DMD: variants seen among roughly 807,000 people sequenced by gnomAD.
The protein encoded by DMD is dystrophin.
A neutral mutation model predicts 330.1 loss-of-function variants in DMD; 63 were observed. The observed-to-expected ratio is 0.19, with a 90% CI of 0.16 to 0.24. DMD has a LOEUF of 0.24. DMD is among the 10% of genes least tolerant of loss of function. The pLI is 1.00. For synonymous variants in DMD, 1,223 were observed against 959.8 expected, an observed-to-expected ratio of 1.27 and a Z score of -5.07; for missense variants, 3,344 against 2,684.1, an observed-to-expected ratio of 1.25 and a Z score of -5.43.
chrX:31,690,456 A>G (rs1007406584), intron 52 of DMD, among the ~76,000 whole-genome samples: 1 of 112,038 alleles, frequency 8.9e-6, no homozygotes, highest in African/African-American at 3.2e-5. Flanking sequence ...AATCATTAAA[A>G]AGTCAGGAAA....
chrX:31,351,155 T>TACACACACACACACACAC (rs1291594371), intron 60 of DMD, among the ~76,000 whole-genome samples: 2 of 82,568 alleles, frequency 2.4e-5, no homozygotes, highest in African/African-American at 9.9e-5. Context: ...TAGACATACA[T>TACACACACACACACACAC]ATATACACAC....
chrX:31,679,491 G>A lies in DMD; in HGVS notation c.7756C>T (p.Leu2586=). The A allele has an allele frequency of 8.3e-7, 1 of 1,211,734 alleles. No individual in the cohort carries two copies. The highest frequency in any genetic ancestry group is 1.1e-6 in the Non-Finnish European group (1 of 895,402). The change falls in exon 53 of 79, where the codon CTG becomes TTG. Residue 2586 remains leucine, a synonymous_variant. Coordinates refer to ENST00000357033, the MANE Select transcript of DMD (RefSeq NM_004006.3). ...TGCTCAGCTTCTTCCTTAGCTTCCAGCCATTGTGTTGAATCCTTTAACATT... is the reference window on the plus strand; with the variant it reads ...TGCTCAGCTTCTTCCTTAGCTTCCAACCATTGTGTTGAATCCTTTAACATT... ...NEMLKDSTQW[L]EAKEEAEQVL...
chrX:32,453,920 T>C (rs1232684062), intron 26 of DMD, among the ~76,000 whole-genome samples: 1 of 111,456 alleles, frequency 9.0e-6, no homozygotes, highest in Non-Finnish European at 1.9e-5. Context: ...TAGCTACTAA[T>C]TGAGCACCAA....
At chrX:31,463,896 C>G (rs544615279) in intron 59 of DMD, among the ~76,000 whole-genome samples, 2 of 111,490 alleles carry the variant, frequency 1.8e-5, no homozygotes, top group Admixed American at 1.9e-4. Context: ...TGAGATCAGA[C>G]TTCTCTGGGT....
chrX:33,027,982 T>G (rs1054545941), intron 1 of DMD, among the ~76,000 whole-genome samples: 11 of 111,886 alleles, frequency 9.8e-5, no homozygotes, highest in African/African-American at 3.6e-4. Context: ...CATCAACCTA[T>G]TTATGAAGAG....
chrX:33,065,896 A>G (rs1000025136), intron 1 of DMD, among the ~76,000 whole-genome samples: 4 of 111,631 alleles, frequency 3.6e-5, no homozygotes, highest in Non-Finnish European at 7.5e-5. Context: ...AGACAATAAA[A>G]CCGAAGGATT....
chrX:32,092,482 A>G (rs1170844282), intron 44 of DMD, among the ~76,000 whole-genome samples: 1 of 111,581 alleles, frequency 9.0e-6, no homozygotes, highest in Non-Finnish European at 1.9e-5. Flanking sequence ...TCAGATGAGG[A>G]ATACAATTCT....
chrX:32,276,970 A>C (rs2097392113), intron 43 of DMD, among the ~76,000 whole-genome samples: 2 of 111,145 alleles, frequency 1.8e-5, no homozygotes, highest in Non-Finnish European at 3.8e-5. Flanking sequence ...AGAGAAGAAA[A>C]GAAAAGAAAA....
At chrX:32,858,793 T>C (rs2081822507) in intron 2 of DMD, among the ~76,000 whole-genome samples, 1 of 111,223 alleles carries the variant, frequency 9.0e-6, no homozygotes, top group Non-Finnish European at 1.9e-5. Context: ...ATACCCCAGG[T>C]AAAATCTAAC....
intron 1 of DMD, among the ~76,000 whole-genome samples, chrX:33,079,147 C>T (rs945070640): frequency 4.5e-5 from 5 of 111,532 alleles, no homozygotes; most frequent in East Asian, 5.6e-4. Context: ...TCTCCTGCCT[C>T]GGTCTCCCGA....
chrX:32,221,745 A>G (rs2097132838), intron 43 of DMD, among the ~76,000 whole-genome samples: 1 of 111,384 alleles, frequency 9.0e-6, no homozygotes, highest in Non-Finnish European at 1.9e-5. Flanking sequence ...AGTCCATTCT[A>G]CCACTCTGTC....
rs1332453290 is a variant in DMD, at chrX:32,646,706, A to C, written c.961-1554T>G. On this transcript the variant is annotated intron_variant, in intron 9 of 78. Transcript: ENST00000357033. Reference sequence around the variant, plus strand: ...CTTGTGCTCTTCTGATAAATGCTCAAATTTTGAAAATTCAATATTTTAAAT... The same window carrying C: ...CTTGTGCTCTTCTGATAAATGCTCACATTTTGAAAATTCAATATTTTAAAT... Among the ~76,000 whole-genome samples, 9 of 111,557 alleles carry C rather than the reference A, an allele frequency of 8.1e-5. No homozygotes were observed. In the East Asian group the frequency reaches 2.2e-3, roughly 28 times the overall value.
chrX:32,695,082 C>A (rs774553275), intron 9 of DMD, among the ~76,000 whole-genome samples: 1 of 112,408 alleles, frequency 8.9e-6, no homozygotes, highest in African/African-American at 3.2e-5. Flanking sequence ...AATAACAGTA[C>A]CTGGCACATA....
chrX:32,580,481 T>C (rs1415415501), intron 13 of DMD, among the ~76,000 whole-genome samples: 1 of 111,917 alleles, frequency 8.9e-6, no homozygotes, highest in East Asian at 2.8e-4. Flanking sequence ...TTCTCACCAG[T>C]GAAATAGAGA....
chrX:31,355,619 C>G (rs764948618), intron 60 of DMD, among the ~76,000 whole-genome samples: 1 of 111,443 alleles, frequency 9.0e-6, no homozygotes, highest in African/African-American at 3.3e-5. Context: ...GAGTTTTTGT[C>G]CTGAAGTTTT....
At chrX:31,346,893 C>T (rs1263787127) in intron 61 of DMD, among the ~76,000 whole-genome samples, 2 of 104,145 alleles carry the variant, frequency 1.9e-5, no homozygotes, top group African/African-American at 3.5e-5. Context: ...CCCAGCTACT[C>T]GGGAGGCTGA....
chrX:32,286,093 C>T (rs1413105197), intron 43 of DMD, among the ~76,000 whole-genome samples: 1 of 110,841 alleles, frequency 9.0e-6, no homozygotes, highest in Admixed American at 9.6e-5. Context: ...ACATTGAACA[C>T]CCACTTTGTG....
chrX:32,600,609 C>CACACAT (rs2056097104), intron 12 of DMD, among the ~76,000 whole-genome samples: 2 of 107,567 alleles, frequency 1.9e-5, no homozygotes, highest in African/African-American at 6.8e-5. Context: ...CACACACACA[C>CACACAT]ACACACACAC....
intron 37 of DMD, among the ~76,000 whole-genome samples, chrX:32,356,993 A>C (rs752135477): frequency 1.3e-4 from 14 of 111,089 alleles, no homozygotes; most frequent in Non-Finnish European, 2.5e-4. Context: ...GGGTTCAAAC[A>C]ATTTCCCTCC....
Sources: gnomAD v4.1 joint callset for allele counts (sites outside exome capture counted in the v4.1 genomes callset) on GRCh38, gnomAD v4.1.1 for gene constraint, MANE v1.5 for transcripts, NCBI Gene and HGNC (gene_info 2026-07-23, HGNC 2026-07-21) for gene names.